Variants in TMPRSS6 observed in about 807,000 individuals in gnomAD.
TMPRSS6 encodes the protein transmembrane serine protease 6.
In TMPRSS6, 67 loss-of-function variants were observed where a neutral mutation model predicts 101.5. The ratio of observed to expected loss-of-function variants is 0.66; its 90% confidence interval spans 0.54 to 0.81. The LOEUF is 0.81. Among genes scored for constraint, TMPRSS6 ranks in the 30% least tolerant of loss-of-function variants. TMPRSS6 has a pLI of 0.00. For missense variants in TMPRSS6, 1,034 were observed against 1,088.7 expected (o/e 0.95, Z 0.71); for synonymous variants, 453 against 464.9 (o/e 0.97, Z 0.33).
chr22:37,068,800 G>T, intron 16 of TMPRSS6: 2 of 707,264 alleles, frequency 2.8e-6, no homozygotes, highest in Non-Finnish European at 5.1e-6. Flanking sequence ...GAGCTTGCAC[G>T]TGGGCAGTGG....
chr22:37,086,265 G>A lies in TMPRSS6; in HGVS notation c.973+18C>T, dbSNP rs752212126. 1.2e-6 allele frequency: 2 copies of A among 1,613,814 alleles called. No homozygotes were observed. Among genetic ancestry groups the A allele is most frequent in the East Asian group, 4.5e-5 (2 of 44,842 alleles). On this transcript the variant is annotated intron_variant, in intron 8 of 17. Transcript: ENST00000676104. ...TACCACCACCCCTCCCCTGCCCCAGGGACCCCTGACCTCTCACCCTGGAAG... is the reference window on the plus strand; with the variant it reads ...TACCACCACCCCTCCCCTGCCCCAGAGACCCCTGACCTCTCACCCTGGAAG...
chr22:37,084,425 ATCAGGTGGCCC>A (rs775257747), intron 9 of TMPRSS6, 21 bp from the exon 10 acceptor site: 5 of 1,589,790 alleles, frequency 3.1e-6, no homozygotes, highest in Non-Finnish European at 4.3e-6. Flanking sequence ...GGAGCGGGCC[ATCAGGTGGCCC>A]ATGGGGTGTG....
rs760415989 is a variant in TMPRSS6 at position 37,095,954 on chromosome 22, G to C, written c.541C>G (p.Pro181Ala). ...LSTVNSSAAV[P>A]YRAEYEVDPE... is the part of the protein sequence containing the mutation. The stretch of plus-strand genomic sequence containing the variant: ...TCCACTTCGTACTCGGCCCTGTAGG[G>C]GACGGCAGCCGAGCTGTTGACTGTG... Residue 181 changes from proline (P) to alanine (A), a missense_variant, in exon 5 of 18, where the codon CCC (proline) becomes GCC (alanine). Pro to Ala is a conservative substitution (Grantham distance 27). Transcript: ENST00000676104. The C allele has an allele frequency of 4.3e-6, 7 of 1,614,032 alleles. No individual in the cohort carries two copies. The Admixed American group carries it at 1.2e-4, about 27-fold the overall frequency.
chr22:37,098,358 C>T (rs1930003564), intron 3 of TMPRSS6, 58 bp downstream of exon 3: 1 of 1,612,992 alleles, frequency 6.2e-7, no homozygotes, highest in Middle Eastern at 1.7e-4. Context: ...GATCAGACCC[C>T]ACCCCTCTCT....
chr22:37,108,727 T>C (rs1424325502), intron 1 of TMPRSS6, among the ~76,000 whole-genome samples: 3 of 152,148 alleles, frequency 2.0e-5, no homozygotes, highest in Non-Finnish European at 4.4e-5. Flanking sequence ...GCTGACTCTA[T>C]TTAATGGCTG....
chr22:37,070,768 G>A, intron 14 of TMPRSS6, 116 bp from the exon 15 acceptor site: 1 of 1,334,770 alleles, frequency 7.5e-7, no homozygotes, highest in Non-Finnish European at 1.1e-6. Context: ...AATGATGGAG[G>A]GGGAGAGACC....
At chr22:37,084,868 G>A (rs1433843513) in intron 8 of TMPRSS6, 29 bp from the exon 9 acceptor site, 1 of 1,536,008 alleles carries the variant, frequency 6.5e-7, no homozygotes, top group Non-Finnish European at 8.8e-7. Context: ...TGTTACACAG[G>A]GGTCCCCTGG....
chr22:37,099,949 TTTG>T (rs1240176668), intron 2 of TMPRSS6, among the ~76,000 whole-genome samples: 1 of 142,258 alleles, frequency 7.0e-6, no homozygotes, highest in Non-Finnish European at 1.6e-5. Context: ...AGGTGGTTTT[TTTG>T]TTTTCTTTTT....
In TMPRSS6 at chr22:37,093,144, G is replaced by GC. The variant is rs1458087581; in HGVS notation, c.631+2406dup. ...TTCAAGGATTTGAGTTGTTATCTCT[G>GC]CCCCCTGAGACTCTGTGCTCTGGAC... On this transcript the variant is annotated intron_variant, in intron 6 of 17. Transcript: ENST00000676104. 2.0e-5 allele frequency among the ~76,000 whole-genome samples: 3 copies of GC among 152,084 alleles called. No individual in the cohort carries two copies. The East Asian group carries it at 5.8e-4, about 29-fold the overall frequency.
intron 16 of TMPRSS6, chr22:37,068,611 CT>C (rs1224946881): frequency 7.7e-6 from 6 of 779,574 alleles, no homozygotes; most frequent in Non-Finnish European, 1.4e-5. Context: ...GGCTGTGTGA[CT>C]TACAGCAACA....
intron 16 of TMPRSS6, 79 bp downstream of exon 16, chr22:37,068,994 G>A: frequency 1.3e-6 from 2 of 1,512,556 alleles, no homozygotes; most frequent in Non-Finnish European, 1.8e-6. Flanking sequence ...CCCCAGCCCC[G>A]CCCTTCTCCA....
intron 14 of TMPRSS6, 65 bp downstream of exon 14, chr22:37,070,851 G>T: frequency 6.6e-7 from 1 of 1,515,842 alleles, no homozygotes. Context: ...TTTCCCTCCA[G>T]CTTCCTGCTG....
intron 10 of TMPRSS6, chr22:37,082,590 A>C (rs955183313): frequency 5.0e-6 from 1 of 198,452 alleles, no homozygotes; most frequent in African/African-American, 2.4e-5. Flanking sequence ...AGTGAGCTCC[A>C]TGAGGGGTCA....
At chr22:37,098,007 C>G (rs867039861) in intron 3 of TMPRSS6, among the ~76,000 whole-genome samples, 6 of 3,822 alleles carry the variant, frequency 1.6e-3, no homozygotes, top group Admixed American at 7.2e-3. Flanking sequence ...GGGGCAGGAG[C>G]GGCCACCGTC....
chr22:37,066,468 G>C (rs1384840114), intron 17 of TMPRSS6, among the ~76,000 whole-genome samples: 1 of 152,170 alleles, frequency 6.6e-6, no homozygotes, highest in Non-Finnish European at 1.5e-5. Context: ...GTGTCCCCAC[G>C]CCCCCACTCT....
intron 10 of TMPRSS6, 123 bp downstream of exon 10, chr22:37,084,172 G>A (rs745330068): frequency 1.7e-4 from 147 of 858,242 alleles, no homozygotes; most frequent in East Asian, 6.6e-4. Context: ...GCCTCTGCTC[G>A]CTCCCCTTGC....
intron 10 of TMPRSS6, among the ~76,000 whole-genome samples, chr22:37,080,945 T>G (rs1569007984): frequency 6.6e-6 from 1 of 152,236 alleles, no homozygotes; most frequent in Non-Finnish European, 1.5e-5. Flanking sequence ...TGCACAGACA[T>G]GCATGGATGT....
intron 10 of TMPRSS6, 111 bp downstream of exon 10, chr22:37,084,184 G>T: frequency 1.1e-6 from 1 of 944,090 alleles, no homozygotes; most frequent in Non-Finnish European, 1.7e-6. Flanking sequence ...TCCCCTTGCT[G>T]CCCCTCTGAG....
At chr22:37,100,712 A>G (rs1930244714) in intron 2 of TMPRSS6, among the ~76,000 whole-genome samples, 1 of 152,192 alleles carries the variant, frequency 6.6e-6, no homozygotes, top group Admixed American at 6.5e-5. Context: ...AGACAAGCTC[A>G]AGGGAGAGGC....
Sources: allele counts gnomAD v4.1 joint callset (sites outside exome capture counted in the v4.1 genomes callset), GRCh38; gene constraint gnomAD v4.1.1; transcripts MANE v1.5; gene names NCBI Gene and HGNC (gene_info 2026-07-23, HGNC 2026-07-21).